The following PAX5 variants were observed in gnomAD, a reference collection of about 807,000 sequenced individuals.
PAX5 encodes the protein paired box 5.
A neutral mutation model predicts 43.7 loss-of-function variants in PAX5; 9 were observed. The observed-to-expected ratio is 0.21, with a 90% CI of 0.12 to 0.36. The LOEUF (loss-of-function observed/expected upper bound fraction) is 0.36. Among genes scored for constraint, PAX5 ranks in the 10% least tolerant of loss-of-function variants. PAX5 has a pLI of 1.00. For synonymous variants in PAX5, 228 were observed against 214.3 expected (o/e 1.06, Z -0.56); for missense variants, 383 against 532.7 (o/e 0.72, Z 2.77).
intron 3 of PAX5, among the ~76,000 whole-genome samples, chr9:37,009,264 C>T (rs1051525298): frequency 1.3e-5 from 2 of 152,182 alleles, no homozygotes; most frequent in African/African-American, 4.8e-5. Flanking sequence ...GTTTGAATCC[C>T]ATCCCTCTTA....
chr9:37,017,386 TCC>T (rs1297108222), intron 2 of PAX5, among the ~76,000 whole-genome samples: 7 of 152,198 alleles, frequency 4.6e-5, no homozygotes, highest in Non-Finnish European at 1.0e-4. Flanking sequence ...TCAGTGCTCT[TCC>T]CGCTACAGCA....
intron 8 of PAX5, among the ~76,000 whole-genome samples, chr9:36,877,116 C>G (rs1012712662): frequency 6.6e-6 from 1 of 152,102 alleles, no homozygotes. Context: ...GCAGGAGGAT[C>G]GTTTGAGCTC....
intron 8 of PAX5, among the ~76,000 whole-genome samples, chr9:36,856,091 C>T (rs1345383533): frequency 1.3e-5 from 2 of 152,182 alleles, no homozygotes; most frequent in African/African-American, 4.8e-5. Context: ...CCAAGGCTGA[C>T]CATCTGTGAC....
At chr9:36,909,453 G>T (rs552654391) in intron 7 of PAX5, among the ~76,000 whole-genome samples, 2 of 152,362 alleles carry the variant, frequency 1.3e-5, no homozygotes, top group African/African-American at 4.8e-5. Context: ...AGCCATCCCA[G>T]GCAGGTAGAA....
intron 7 of PAX5, among the ~76,000 whole-genome samples, chr9:36,883,049 G>A (rs551547367): frequency 6.6e-6 from 1 of 152,360 alleles, no homozygotes; most frequent in African/African-American, 2.4e-5. Flanking sequence ...CCTGGTACAA[G>A]TGCTCACATC....
At chr9:36,975,693 C>T (rs113771448) in intron 5 of PAX5, among the ~76,000 whole-genome samples, 14 of 152,262 alleles carry the variant, frequency 9.2e-5, no homozygotes, top group African/African-American at 3.1e-4. Flanking sequence ...CCTTGAGCAA[C>T]TTCTTTAACT....
Position 36,945,164 on chromosome 9 carries a change from C to T in PAX5, c.780+21385G>A, listed in dbSNP as rs1423307632. Among the ~76,000 whole-genome samples, 3 of 152,110 alleles carry T rather than the reference C, an allele frequency of 2.0e-5. No individual in the cohort carries two copies. In the East Asian group the frequency reaches 5.8e-4, roughly 29 times the overall value. On this transcript the variant is annotated intron_variant, in intron 6 of 9. Coordinates refer to ENST00000358127, the MANE Select transcript of PAX5 (RefSeq NM_016734.3). ...GCTATGAACTGGAAGATATTTGGGA[C>T]AGGTACAGCCACATTCCTGTCTTTA...
intron 5 of PAX5, among the ~76,000 whole-genome samples, chr9:36,996,680 C>G (rs963216601): frequency 1.3e-5 from 2 of 152,216 alleles, no homozygotes; most frequent in African/African-American, 4.8e-5. Flanking sequence ...CAGGACCTGC[C>G]CATGTCAGAG....
At chr9:36,910,560 C>T (rs535570206) in intron 7 of PAX5, among the ~76,000 whole-genome samples, 6 of 152,208 alleles carry the variant, frequency 3.9e-5, no homozygotes, top group East Asian at 3.9e-4. Context: ...GGCTGGACCT[C>T]GGGGGCACAC....
chr9:36,949,152 C>T (rs1832794442), intron 6 of PAX5, among the ~76,000 whole-genome samples: 1 of 152,032 alleles, frequency 6.6e-6, no homozygotes, highest in Non-Finnish European at 1.5e-5. Context: ...ACCTCTGCCT[C>T]CGGGTTCACG....
chr9:36,864,998 C>T (rs1163881251), intron 8 of PAX5, among the ~76,000 whole-genome samples: 2 of 152,228 alleles, frequency 1.3e-5, no homozygotes, highest in Non-Finnish European at 2.9e-5. Context: ...CCGCGGCCTT[C>T]CCGCCCGCGA....
chr9:36,963,341 C>T (rs1354953585), intron 6 of PAX5, among the ~76,000 whole-genome samples: 1 of 152,168 alleles, frequency 6.6e-6, no homozygotes, highest in Non-Finnish European at 1.5e-5. Flanking sequence ...CATCAGACCC[C>T]ATCTCTCCAT....
At chr9:36,891,830 T>C (rs562427533) in intron 7 of PAX5, among the ~76,000 whole-genome samples, 2 of 152,332 alleles carry the variant, frequency 1.3e-5, no homozygotes, top group South Asian at 4.1e-4. Context: ...AAAGATCTAA[T>C]CTGGATTTGT....
At chr9:36,873,352 A>G (rs1049026416) in intron 8 of PAX5, among the ~76,000 whole-genome samples, 1 of 152,204 alleles carries the variant, frequency 6.6e-6, no homozygotes, top group Non-Finnish European at 1.5e-5. Flanking sequence ...TAGGAAATGT[A>G]TGGAGAATGA....
At position 36,836,020 on chromosome 9, in the gene PAX5, A is replaced by T; in HGVS notation, c.*4540T>A. The T allele has an allele frequency of 4.3e-6, 1 of 233,676 alleles. No individual in the cohort carries two copies. The highest frequency in any genetic ancestry group is 6.0e-5 in the East Asian group (1 of 16,604). The allele number at this position is 233,676 out of a possible 1,614,324, so 14.5% of individuals were successfully genotyped here. Reference sequence around the variant, plus strand: ...GATTTGCTTCCCTGGCTTGGAGCTCAATTCTGGCTGAATGTCATGAGGAGG... The same window carrying T: ...GATTTGCTTCCCTGGCTTGGAGCTCTATTCTGGCTGAATGTCATGAGGAGG... On this transcript the variant is annotated 3_prime_UTR_variant, in exon 10 of 10. Transcript: ENST00000358127.
Position 36,838,343 on chromosome 9 carries a change from TAGG to T in PAX5, c.*2214_*2216del, listed in dbSNP as rs1821789441. 8.6e-6 allele frequency: 2 copies of T among 232,168 alleles called. No individual in the cohort carries two copies. Among genetic ancestry groups the T allele is most frequent in the African/African-American group, 4.4e-5 (2 of 45,262 alleles). 14.4% of individuals were successfully genotyped at this position (232,168 alleles called of 1,614,324 possible). ...TCTTACTGTCAACTCTCCTCAGGAA[TAGG>T]AGATGTGGATAGACCAGGGTGACAG... On this transcript the variant is annotated 3_prime_UTR_variant, in exon 10 of 10. Transcript: ENST00000358127.
intron 7 of PAX5, among the ~76,000 whole-genome samples, chr9:36,886,438 C>G (rs1469220995): frequency 1.3e-5 from 2 of 152,172 alleles, no homozygotes; most frequent in South Asian, 2.1e-4. Flanking sequence ...TCAGAACTCT[C>G]CCGGCACCAA....
chr9:37,011,694 C>G (rs1838943070), intron 3 of PAX5, among the ~76,000 whole-genome samples: 1 of 152,190 alleles, frequency 6.6e-6, no homozygotes, highest in East Asian at 1.9e-4. Flanking sequence ...TGCTTAACCC[C>G]TTGTCAGTCA....
chr9:36,911,077 C>G (rs1009866395), intron 7 of PAX5, among the ~76,000 whole-genome samples: 2 of 152,220 alleles, frequency 1.3e-5, no homozygotes, highest in South Asian at 2.1e-4. Context: ...GAGATCCCCC[C>G]AGCTGGGCAC....
Sources: allele counts gnomAD v4.1 joint callset (sites outside exome capture counted in the v4.1 genomes callset), GRCh38; gene constraint gnomAD v4.1.1; transcripts MANE v1.5; gene names NCBI Gene and HGNC (gene_info 2026-07-23, HGNC 2026-07-21).